ANGPT4: variants seen among roughly 807,000 people sequenced by gnomAD.
ANGPT4 encodes angiopoietin 4, also known as angiopoietin-4.
ANGPT4 carries 50 observed loss-of-function variants against 53.0 expected under a neutral mutation model. The ratio of observed to expected loss-of-function variants is 0.94; its 90% CI spans 0.75 to 1.20. The LOEUF (loss-of-function observed/expected upper bound fraction) is 1.20. Ranked by LOEUF, ANGPT4 falls within the 50% of genes most tolerant of loss-of-function variation. ANGPT4 has a pLI of 0.00. For missense variants in ANGPT4, 648 were observed against 637.1 expected, an observed-to-expected ratio of 1.02 and a Z score of -0.18; for synonymous variants, 251 against 259.7, an observed-to-expected ratio of 0.97 and a Z score of 0.32.
intron 1 of ANGPT4, among the ~76,000 whole-genome samples, chr20:905,716 C>A (rs1407656893): frequency 6.6e-6 from 1 of 152,174 alleles, no homozygotes; most frequent in Non-Finnish European, 1.5e-5. Context: ...CTTCCTCCAA[C>A]CAACTCATTC....
rs549870661 is a variant in ANGPT4 at position 878,967 on chromosome 20, C to G, written c.1054-640G>C. Among the ~76,000 whole-genome samples, 13 of 152,282 alleles carry G rather than the reference C, an allele frequency of 8.5e-5. No individual in the cohort carries two copies. The South Asian group carries it at 2.7e-3, about 32-fold the overall frequency. On this transcript the variant is annotated intron_variant, in intron 6 of 8. Coordinates refer to ENST00000381922, the MANE Select transcript of ANGPT4 (RefSeq NM_015985.4). ...GACAGGGGCACACCCAAGGCCCGCT[C>G]CCCAATTTAGTCACGATGCAATGCG...
chr20:889,949 C>T (rs1280659798), intron 2 of ANGPT4, among the ~76,000 whole-genome samples: 1 of 152,202 alleles, frequency 6.6e-6, no homozygotes, highest in African/African-American at 2.4e-5. Flanking sequence ...CTACTATACC[C>T]CTCATTCCAG....
chr20:876,504 A>T (rs1031443459), intron 7 of ANGPT4, among the ~76,000 whole-genome samples: 1 of 152,182 alleles, frequency 6.6e-6, no homozygotes, highest in Admixed American at 6.5e-5. Flanking sequence ...CAGTGATCGT[A>T]ATATTGTTTG....
rs980461010 is a variant in ANGPT4, at chr20:873,205, C to T, written c.1352-85G>A. ...GGCAGCCCCTGTGTCCCAAAGAGAACAAAGACTAATCGGGGCTGTTGCCTC... is the reference window on the plus strand; with the variant it reads ...GGCAGCCCCTGTGTCCCAAAGAGAATAAAGACTAATCGGGGCTGTTGCCTC... On this transcript the variant is annotated intron_variant, in intron 8 of 8. Coordinates refer to ENST00000381922, the MANE Select transcript of ANGPT4 (RefSeq NM_015985.4). 42 of 1,190,500 alleles carry T rather than the reference C, an allele frequency of 3.5e-5. No homozygotes were observed. In the African/African-American group the frequency reaches 6.6e-4, roughly 19 times the overall value. 73.7% of individuals were successfully genotyped at this position (1,190,500 alleles called of 1,614,324 possible).
chr20:889,109 C>T (rs1449257028), intron 2 of ANGPT4, among the ~76,000 whole-genome samples: 2 of 152,206 alleles, frequency 1.3e-5, no homozygotes, highest in Admixed American at 1.3e-4. Context: ...TGCAGTAAGC[C>T]TGGCTGCAGC....
At chr20:895,845 ACT>A (rs1324882741) in intron 1 of ANGPT4, among the ~76,000 whole-genome samples, 2 of 145,210 alleles carry the variant, frequency 1.4e-5, no homozygotes, top group Admixed American at 7.2e-5. Flanking sequence ...TATTTGTATG[ACT>A]CTCTAAAAAT....
intron 1 of ANGPT4, among the ~76,000 whole-genome samples, chr20:907,496 A>G (rs1982519341): frequency 1.3e-5 from 2 of 152,150 alleles, no homozygotes; most frequent in Admixed American, 1.3e-4. Context: ...CCTCCCTGAC[A>G]CTTGAAAGTC....
chr20:874,225 G>A, intron 8 of ANGPT4, 59 bp downstream of exon 8: 2 of 1,601,912 alleles, frequency 1.2e-6, no homozygotes, highest in Non-Finnish European at 1.7e-6. Flanking sequence ...GGAGGGAATG[G>A]GAGTGTCAAT....
rs140083113 is a variant in ANGPT4 at position 915,051 on chromosome 20, G to A, written c.309+855C>T. On this transcript the variant is annotated intron_variant, in intron 1 of 8. Transcript: ENST00000381922. ...CCCTCCTAGCCCCGTTCTGCTCCAG[G>A]CCTCCGGTACCTTGCACCTGATGGC... Among the ~76,000 whole-genome samples, 6 of 152,242 alleles carry A rather than the reference G, an allele frequency of 3.9e-5. No individual in the cohort carries two copies. The East Asian group carries it at 1.2e-3, about 29-fold the overall frequency.
intron 1 of ANGPT4, among the ~76,000 whole-genome samples, chr20:906,204 C>T (rs1053833735): frequency 7.9e-5 from 12 of 152,178 alleles, no homozygotes; most frequent in African/African-American, 2.7e-4. Flanking sequence ...CTCTCTTGGA[C>T]CACACGCTTT....
chr20:872,514 A>AATCTTGG lies in ANGPT4; in HGVS notation c.*439_*445dup, dbSNP rs1193469219. Reference sequence around the variant, plus strand: ...GTTCAAGGACATCTCAAGACTAGAAAATCTTGGAACAGGAGCTTAGAATGG... The same window carrying AATCTTGG: ...GTTCAAGGACATCTCAAGACTAGAAAATCTTGGATCTTGGAACAGGAGCTTAGAATGG... On this transcript the variant is annotated 3_prime_UTR_variant, in exon 9 of 9. Coordinates refer to ENST00000381922, the MANE Select transcript of ANGPT4 (RefSeq NM_015985.4). 2 of 158,416 alleles carry AATCTTGG rather than the reference A, an allele frequency of 1.3e-5. No individual in the cohort carries two copies. Among genetic ancestry groups the AATCTTGG allele is most frequent in the Non-Finnish European group, 2.8e-5 (2 of 71,808 alleles). 9.8% of individuals were successfully genotyped at this position (158,416 alleles called of 1,614,324 possible).
chr20:906,314 C>G lies in ANGPT4; in HGVS notation c.309+9592G>C, dbSNP rs1467773577. Among the ~76,000 whole-genome samples the G allele has an allele frequency of 2.6e-5, 4 of 152,102 alleles. No homozygotes were observed. In the East Asian group the frequency reaches 5.8e-4, roughly 22 times the overall value. On this transcript the variant is annotated intron_variant, in intron 1 of 8. Transcript: ENST00000381922. ...GCCTTCTACTCACAGCCAGCGCCAG[C>G]TCACCAGCCACAGGAGGCCGAGCCC...
chr20:875,631 G>A lies in ANGPT4; in HGVS notation c.1221-1217C>T, dbSNP rs149612483. On this transcript the variant is annotated intron_variant, in intron 7 of 8. Coordinates refer to ENST00000381922, the MANE Select transcript of ANGPT4 (RefSeq NM_015985.4). ...TAGTGAAATTAGCAGTGCTGCCCTCGTTTATTATTGATTTGGTGATGTCAG... is the reference window on the plus strand; with the variant it reads ...TAGTGAAATTAGCAGTGCTGCCCTCATTTATTATTGATTTGGTGATGTCAG... 2.1e-3 allele frequency among the ~76,000 whole-genome samples: 322 copies of A among 152,302 alleles called. 2 individuals are homozygous for A. Among genetic ancestry groups the A allele is most frequent in the Non-Finnish European group, 3.2e-3 (217 of 68,028 alleles).
At chr20:910,562 A>G (rs1402849065) in intron 1 of ANGPT4, among the ~76,000 whole-genome samples, 1 of 152,156 alleles carries the variant, frequency 6.6e-6, no homozygotes. Context: ...TATGCAAACA[A>G]ACTGCGGCCA....
chr20:873,008 G>C lies in ANGPT4; in HGVS notation c.1464C>G (p.Ser488Arg). The change falls in exon 9 of 9, where the codon AGC (serine) becomes AGG (arginine). Residue 488 changes from serine to arginine, a missense_variant. Ser to Arg is a moderately radical substitution (Grantham distance 110, BLOSUM62 -1). Transcript: ENST00000381922. ...TCATGCGAGAGGCACGCAGTGAGTA[G>C]CTGGGGCCCTTGAAGTAGTGCCAGC... ...GIRWHYFKGP[S>R]YSLRASRMMI... The C allele has an allele frequency of 6.2e-7, 1 of 1,614,168 alleles. No homozygotes were observed. The highest frequency in any genetic ancestry group is 8.5e-7 in the Non-Finnish European group (1 of 1,180,034).
At chr20:904,207 C>A (rs1330249182) in intron 1 of ANGPT4, among the ~76,000 whole-genome samples, 1 of 152,174 alleles carries the variant, frequency 6.6e-6, no homozygotes, top group Non-Finnish European at 1.5e-5. Flanking sequence ...CAGTTCCCTC[C>A]CTACAGGCCA....
chr20:881,033 G>A, intron 5 of ANGPT4, 138 bp downstream of exon 5: 1 of 632,966 alleles, frequency 1.6e-6, no homozygotes, highest in Admixed American at 3.4e-5. Context: ...TGACTGCTGG[G>A]AAGTCAAAGC....
At chr20:876,951 G>T (rs1402956932) in intron 7 of ANGPT4, among the ~76,000 whole-genome samples, 1 of 152,200 alleles carries the variant, frequency 6.6e-6, no homozygotes, top group African/African-American at 2.4e-5. Flanking sequence ...GGAGGCTGAG[G>T]TGGGAAGGTC....
chr20:880,777 T>C (rs1324664284), intron 5 of ANGPT4, among the ~76,000 whole-genome samples: 1 of 152,196 alleles, frequency 6.6e-6, no homozygotes, highest in East Asian at 1.9e-4. Flanking sequence ...TAGCCCTGGT[T>C]TCTAATTTCC....
Sources: gnomAD v4.1 joint callset for allele counts (sites outside exome capture counted in the v4.1 genomes callset) on GRCh38, gnomAD v4.1.1 for gene constraint, MANE v1.5 for transcripts, NCBI Gene and HGNC (gene_info 2026-07-23, HGNC 2026-07-21) for gene names.